GBE1: variants seen among roughly 807,000 people sequenced by gnomAD.
The protein encoded by GBE1 is 1,4-alpha-glucan-branching enzyme.
GBE1 carries 70 observed loss-of-function variants against 88.8 expected under a neutral mutation model. The observed-to-expected ratio is 0.79, with a 90% CI of 0.65 to 0.96. The LOEUF (loss-of-function observed/expected upper bound fraction) is 0.96, where lower values mean the gene tolerates loss of function less well. Among genes scored for constraint, GBE1 ranks in the 40% least tolerant of loss-of-function variants. GBE1 has a pLI of 0.00. For missense variants in GBE1, 872 were observed against 871.0 expected (o/e 1.00, Z -0.01); for synonymous variants, 284 against 300.1 (o/e 0.95, Z 0.56).
intron 1 of GBE1, among the ~76,000 whole-genome samples, chr3:81,728,435 T>C (rs752199109): frequency 5.8e-4 from 89 of 152,158 alleles, no homozygotes; most frequent in Non-Finnish European, 1.8e-4. Flanking sequence ...CAGAGATAGA[T>C]AACAAAAATA....
chr3:81,581,029 A>G (rs944358122), intron 11 of GBE1, 136 bp downstream of exon 11: 2 of 542,776 alleles, frequency 3.7e-6, no homozygotes, highest in Non-Finnish European at 6.4e-6. Context: ...ATTAATACAC[A>G]CACACACATA....
chr3:81,731,457 T>C (rs1427843396), intron 1 of GBE1, among the ~76,000 whole-genome samples: 1 of 152,136 alleles, frequency 6.6e-6, no homozygotes, highest in Non-Finnish European at 1.5e-5. Flanking sequence ...TACCATATCT[T>C]TACAAATACT....
intron 12 of GBE1, among the ~76,000 whole-genome samples, chr3:81,554,811 T>C (rs1181282728): frequency 6.6e-6 from 1 of 152,188 alleles, no homozygotes; most frequent in African/African-American, 2.4e-5. Flanking sequence ...CTGCTACTTT[T>C]CTAGGTTTCC....
intron 2 of GBE1, among the ~76,000 whole-genome samples, chr3:81,695,724 A>C (rs1160461640): frequency 1.3e-5 from 2 of 152,234 alleles, no homozygotes; most frequent in African/African-American, 4.8e-5. Context: ...GAGTATTAAC[A>C]GGCCTTCAAG....
chr3:81,710,592 T>G (rs1336278618), intron 1 of GBE1, among the ~76,000 whole-genome samples: 8 of 152,062 alleles, frequency 5.3e-5, no homozygotes, highest in Non-Finnish European at 1.0e-4. Flanking sequence ...TTTTCCTAAT[T>G]TTTTTAACAT....
At chr3:81,604,714 C>T (rs552835813) in intron 7 of GBE1, among the ~76,000 whole-genome samples, 1 of 152,120 alleles carries the variant, frequency 6.6e-6, no homozygotes, top group Admixed American at 6.5e-5. Context: ...AATAAAGGCA[C>T]ATAAGCAATG....
intron 2 of GBE1, among the ~76,000 whole-genome samples, chr3:81,682,205 A>G (rs571015378): frequency 2.6e-5 from 4 of 152,312 alleles, no homozygotes; most frequent in African/African-American, 9.6e-5. Context: ...GCTCACATCT[A>G]TAATCCCAAC....
At chr3:81,554,867 T>C (rs866242507) in intron 12 of GBE1, among the ~76,000 whole-genome samples, 40 of 152,244 alleles carry the variant, frequency 2.6e-4, no homozygotes, top group African/African-American at 9.4e-4. Context: ...ACTCCCCAAG[T>C]AGAGAGACGT....
intron 7 of GBE1, chr3:81,612,237 A>G: frequency 1.9e-6 from 1 of 518,292 alleles, no homozygotes; most frequent in Non-Finnish European, 3.0e-6. Context: ...AAAAAAAAAA[A>G]AAAAAACTTA....
chr3:81,596,254 G>A (rs1490320012), intron 7 of GBE1, among the ~76,000 whole-genome samples: 1 of 151,590 alleles, frequency 6.6e-6, no homozygotes, highest in East Asian at 1.9e-4. Context: ...CAAAGCAAAA[G>A]TTAAAAGTAT....
At chr3:81,611,160 C>T (rs1411670520) in intron 7 of GBE1, among the ~76,000 whole-genome samples, 1 of 152,052 alleles carries the variant, frequency 6.6e-6, no homozygotes, top group Non-Finnish European at 1.5e-5. Flanking sequence ...AATCTTAATA[C>T]ACTGAAAATA....
intron 14 of GBE1, among the ~76,000 whole-genome samples, chr3:81,502,150 AC>A (rs1702595264): frequency 6.6e-6 from 1 of 152,178 alleles, no homozygotes; most frequent in Non-Finnish European, 1.5e-5. Context: ...ACAATAAAGT[AC>A]AGACTGAGCT....
intron 7 of GBE1, among the ~76,000 whole-genome samples, chr3:81,613,409 G>C (rs1704207965): frequency 1.3e-5 from 2 of 152,100 alleles, no homozygotes; most frequent in Non-Finnish European, 2.9e-5. Flanking sequence ...CTAAGTCCCT[G>C]TGTAGTAGTG....
intron 1 of GBE1, among the ~76,000 whole-genome samples, chr3:81,708,436 A>T (rs1705807876): frequency 6.6e-6 from 1 of 152,172 alleles, no homozygotes; most frequent in Non-Finnish European, 1.5e-5. Context: ...ACAATGATCA[A>T]ACTCATATAT....
At chr3:81,620,472 G>C (rs1704311895) in intron 7 of GBE1, among the ~76,000 whole-genome samples, 1 of 152,060 alleles carries the variant, frequency 6.6e-6, no homozygotes, top group African/African-American at 2.4e-5. Context: ...AATAACAAAA[G>C]CCAAAATTAA....
intron 1 of GBE1, among the ~76,000 whole-genome samples, chr3:81,725,369 C>T (rs747242449): frequency 2.0e-5 from 3 of 152,036 alleles, no homozygotes; most frequent in Non-Finnish European, 2.9e-5. Flanking sequence ...TCAGGATTAT[C>T]AATATCACTG....
rs2107059354 is a variant in GBE1 at position 81,642,784 on chromosome 3, G to A, written c.989C>T (p.Ser330Phe). Residue 330 changes from serine (S) to phenylalanine (F), a missense_variant, in exon 7 of 16, where the codon TCC becomes TTC. Transcript: ENST00000429644. ...DLWDSRLFAY[S>F]SWEILRFLLS... ...TTTCTATATTGTATGTACCTACCTG[G>A]AGTAGGCAAACAATCTGCTATCCCA... 1.3e-6 allele frequency: 2 copies of A among 1,584,420 alleles called. No individual in the cohort carries two copies. Among genetic ancestry groups the A allele is most frequent in the East Asian group, 2.2e-5 (1 of 44,706 alleles).
At chr3:81,596,927 A>G (rs1703964316) in intron 7 of GBE1, among the ~76,000 whole-genome samples, 1 of 152,006 alleles carries the variant, frequency 6.6e-6, no homozygotes, top group African/African-American at 2.4e-5. Flanking sequence ...TTTCTGAAAG[A>G]TGTTCAATAT....
At chr3:81,749,741 C>T (rs886665803) in intron 1 of GBE1, among the ~76,000 whole-genome samples, 5 of 152,158 alleles carry the variant, frequency 3.3e-5, no homozygotes, top group Non-Finnish European at 5.9e-5. Flanking sequence ...GTAGAGGAGC[C>T]TTCTCTAAAC....
Sources: allele counts gnomAD v4.1 joint callset (sites outside exome capture counted in the v4.1 genomes callset), GRCh38; gene constraint gnomAD v4.1.1; transcripts MANE v1.5; gene names NCBI Gene and HGNC (gene_info 2026-07-23, HGNC 2026-07-21).